The following TMEFF2 variants were observed in gnomAD, a reference collection of about 807,000 sequenced individuals.
TMEFF2 encodes the protein tomoregulin-2.
A neutral mutation model predicts 53.8 loss-of-function variants in TMEFF2; 28 were observed. That is an observed-to-expected ratio of 0.52 (90% CI 0.39 to 0.71). The LOEUF is 0.71. Ranked by LOEUF, TMEFF2 falls within the 30% of genes least tolerant of loss-of-function variation. The pLI is 0.00. For missense variants in TMEFF2, 353 were observed against 455.2 expected, an observed-to-expected ratio of 0.78 and a Z score of 2.04; for synonymous variants, 162 against 166.3, an observed-to-expected ratio of 0.97 and a Z score of 0.20.
chr2:192,104,715 G>A (rs2105948091), intron 4 of TMEFF2, among the ~76,000 whole-genome samples: 1 of 151,494 alleles, frequency 6.6e-6, no homozygotes, highest in Middle Eastern at 3.4e-3. Context: ...TTTCCTTAGA[G>A]CCTTTCATTA....
chr2:191,983,586 A>T (rs1272068360), intron 7 of TMEFF2, among the ~76,000 whole-genome samples: 1 of 152,136 alleles, frequency 6.6e-6, no homozygotes, highest in Admixed American at 6.5e-5. Flanking sequence ...TGGTAGAATG[A>T]TTATAACATG....
intron 4 of TMEFF2, among the ~76,000 whole-genome samples, chr2:192,075,298 T>TAAATATATAA (rs1559114975): frequency 1.6e-4 from 6 of 37,738 alleles, no homozygotes; most frequent in African/African-American, 5.7e-4. Flanking sequence ...TATATATATA[T>TAAATATATAA]ATATATATAT....
intron 4 of TMEFF2, among the ~76,000 whole-genome samples, chr2:192,163,932 T>C (rs972106226): frequency 4.6e-5 from 7 of 152,298 alleles, no homozygotes; most frequent in African/African-American, 1.2e-4. Context: ...ATAATGAGGA[T>C]AGACATGGCC....
At chr2:192,090,834 G>A (rs995311962) in intron 4 of TMEFF2, among the ~76,000 whole-genome samples, 3 of 152,086 alleles carry the variant, frequency 2.0e-5, no homozygotes, top group African/African-American at 7.2e-5. Flanking sequence ...TGGCCCAAGA[G>A]TCTCATTAGT....
chr2:192,112,022 G>A (rs559608607), intron 4 of TMEFF2, among the ~76,000 whole-genome samples: 2 of 152,360 alleles, frequency 1.3e-5, no homozygotes, highest in South Asian at 4.1e-4. Context: ...GAAGCCTGCT[G>A]CATGGATGGA....
intron 7 of TMEFF2, among the ~76,000 whole-genome samples, chr2:191,987,492 G>A (rs1686005717): frequency 6.6e-6 from 1 of 151,704 alleles, no homozygotes; most frequent in Non-Finnish European, 1.5e-5. Flanking sequence ...CTGCAACCTT[G>A]GACTCTGGGG....
At chr2:192,093,707 C>T (rs951889683) in intron 4 of TMEFF2, among the ~76,000 whole-genome samples, 2 of 151,902 alleles carry the variant, frequency 1.3e-5, no homozygotes, top group Non-Finnish European at 2.9e-5. Context: ...CCAATCAGAC[C>T]TTATTTGCCA....
chr2:192,140,856 G>A (rs920237267), intron 4 of TMEFF2, among the ~76,000 whole-genome samples: 14 of 152,190 alleles, frequency 9.2e-5, no homozygotes, highest in Non-Finnish European at 1.8e-4. Context: ...AGGACAGGGG[G>A]AATGATGTAG....
chr2:192,185,334 A>G (rs891481826), intron 2 of TMEFF2, among the ~76,000 whole-genome samples: 4 of 152,154 alleles, frequency 2.6e-5, no homozygotes, highest in African/African-American at 9.6e-5. Context: ...TGCTAATTAC[A>G]CCAGGGATGT....
intron 4 of TMEFF2, among the ~76,000 whole-genome samples, chr2:192,063,718 A>T (rs1261422275): frequency 6.6e-6 from 1 of 151,838 alleles, no homozygotes; most frequent in African/African-American, 2.4e-5. Context: ...TTTTTGTCTC[A>T]TACTTGGGAG....
chr2:192,131,985 C>A (rs1289652100), intron 4 of TMEFF2, among the ~76,000 whole-genome samples: 2 of 152,078 alleles, frequency 1.3e-5, no homozygotes, highest in African/African-American at 2.4e-5. Flanking sequence ...TCTCTGTGCC[C>A]AGTGCAACTC....
chr2:192,163,323 A>G (rs1281814094), intron 4 of TMEFF2, among the ~76,000 whole-genome samples: 2 of 152,212 alleles, frequency 1.3e-5, no homozygotes, highest in African/African-American at 4.8e-5. Flanking sequence ...GAAAAAATAT[A>G]ATGAAAGAAA....
intron 4 of TMEFF2, among the ~76,000 whole-genome samples, chr2:192,093,159 A>G (rs1252715785): frequency 6.6e-6 from 1 of 152,162 alleles, no homozygotes; most frequent in East Asian, 1.9e-4. Context: ...CATTTAAGAC[A>G]GATGCTCTCC....
At chr2:191,968,728 A>AG (rs1470851572) in intron 7 of TMEFF2, among the ~76,000 whole-genome samples, 2 of 152,270 alleles carry the variant, frequency 1.3e-5, no homozygotes, top group East Asian at 1.9e-4. Flanking sequence ...AGATGCCAGG[A>AG]GGGGACAAGC....
chr2:192,074,869 A>C (rs1688370470), intron 4 of TMEFF2, among the ~76,000 whole-genome samples: 1 of 151,964 alleles, frequency 6.6e-6, no homozygotes, highest in Admixed American at 6.6e-5. Context: ...AAGAGATAGC[A>C]TGACTGCCAT....
At chr2:192,108,393 A>G (rs1689200366) in intron 4 of TMEFF2, among the ~76,000 whole-genome samples, 1 of 151,960 alleles carries the variant, frequency 6.6e-6, no homozygotes. Context: ...TTTTTAAATG[A>G]AAATAAATAT....
chr2:192,036,864 A>C (rs1450308250), intron 5 of TMEFF2: 1 of 152,142 alleles, frequency 6.6e-6, no homozygotes, highest in Non-Finnish European at 1.5e-5. Context: ...TTAAATATCC[A>C]ATCTTAAGTA....
chr2:192,090,704 A>G (rs1173135841), intron 4 of TMEFF2, among the ~76,000 whole-genome samples: 1 of 152,142 alleles, frequency 6.6e-6, no homozygotes, highest in Non-Finnish European at 1.5e-5. Flanking sequence ...AGATGTAGGC[A>G]TTTGTATTCA....
At chr2:192,003,938 G>A (rs1289372625) in intron 5 of TMEFF2, among the ~76,000 whole-genome samples, 1 of 145,760 alleles carries the variant, frequency 6.9e-6, no homozygotes, top group Non-Finnish European at 1.5e-5. Flanking sequence ...TGGGGGGGGG[G>A]CTCACACTCA....
Sources: gnomAD v4.1 joint callset for allele counts (sites outside exome capture counted in the v4.1 genomes callset) on GRCh38, gnomAD v4.1.1 for gene constraint, MANE v1.5 for transcripts, NCBI Gene and HGNC (gene_info 2026-07-23, HGNC 2026-07-21) for gene names.